Variants in PKD1 observed in about 807,000 individuals in gnomAD.
PKD1 encodes polycystin-1.
In PKD1, 81 loss-of-function variants were observed where a neutral mutation model predicts 361.7. The ratio of observed to expected loss-of-function variants is 0.22; its 90% confidence interval spans 0.19 to 0.27. The LOEUF (loss-of-function observed/expected upper bound fraction) is 0.27. PKD1 is among the 10% of genes least tolerant of loss of function. The pLI, the probability that PKD1 is intolerant of heterozygous loss-of-function variation, is 1.00. For synonymous variants in PKD1, 3,615 were observed against 2,818.3 expected, an observed-to-expected ratio of 1.28 and a Z score of -8.95; for missense variants, 6,399 against 6,118.3, an observed-to-expected ratio of 1.05 and a Z score of -1.53.
At chr16:2,116,291 G>A (rs912957481) in intron 8 of PKD1, 173 bp from the exon 9 acceptor site, 9 of 738,690 alleles carry the variant, frequency 1.2e-5, no homozygotes, top group Admixed American at 2.1e-5. Context: ...CTGTCCATGG[G>A]GGGCAGGACC....
intron 16 of PKD1, 140 bp from the exon 17 acceptor site, chr16:2,107,088 G>A (rs1182797919): frequency 9.0e-6 from 7 of 780,882 alleles, no homozygotes; most frequent in African/African-American, 5.2e-5. Flanking sequence ...TCCCTCCCAG[G>A]ATACTCATCC....
rs1489696362 is a variant in PKD1 at position 2,098,276 on chromosome 16, T to C, written c.10051-292A>G. 3.7e-5 allele frequency: 18 copies of C among 482,910 alleles called. No homozygotes were observed. In the East Asian group the frequency reaches 7.1e-4, roughly 19 times the overall value. The allele number at this position is 482,910 out of a possible 1,614,324, so 29.9% of individuals were successfully genotyped here. A position where few individuals can be genotyped will look rare whatever the true frequency, so the allele number is the denominator to read the frequency against. On this transcript the variant is annotated intron_variant, in intron 30 of 45. Coordinates refer to ENST00000262304, the MANE Select transcript of PKD1 (RefSeq NM_001009944.3). ...CAGGCTGGAGTGCAATGGCGCAATC[T>C]CAGCTCACTGCAACCTCCACCTCCC...
rs569861397 is a variant in PKD1, at chr16:2,088,893, A to C, written c.*834T>G. The C allele has an allele frequency of 2.1e-4, 92 of 445,728 alleles. 1 individual carries two copies. The South Asian group carries it at 2.1e-3, about 10-fold the overall frequency. The allele number at this position is 445,728 out of a possible 1,614,324, so 27.6% of individuals were successfully genotyped here. A position where few individuals can be genotyped will look rare whatever the true frequency, so the allele number is the denominator to read the frequency against. ...CGCGTGCGCGCGCGCACACACACAC[A>C]CACACAGTCACCTTCCTCCACCCTG... is the stretch of plus-strand genomic sequence containing the variant. On this transcript the variant is annotated 3_prime_UTR_variant, in exon 46 of 46. Transcript: ENST00000262304.
Position 2,088,898 on chromosome 16 carries a change from C to CACACAG in PKD1, c.*828_*829insCTGTGT. On this transcript the variant is annotated 3_prime_UTR_variant, in exon 46 of 46. Coordinates refer to ENST00000262304, the MANE Select transcript of PKD1 (RefSeq NM_001009944.3). ...GCGCGCGCGCACACACACACACACA[C>CACACAG]AGTCACCTTCCTCCACCCTGGGAGC... 2.3e-6 allele frequency: 1 copy of CACACAG among 431,588 alleles called. No individual in the cohort carries two copies. The allele number at this position is 431,588 out of a possible 1,614,324, so 26.7% of individuals were successfully genotyped here.
In PKD1 at chr16:2,102,199, T is replaced by A; in HGVS notation, c.9259A>T (p.Thr3087Ser). 1.3e-6 allele frequency: 2 copies of A among 1,513,100 alleles called. No homozygotes were observed. Among genetic ancestry groups the A allele is most frequent in the Non-Finnish European group, 1.8e-6 (2 of 1,097,936 alleles). The allele number at this position is 1,513,100 out of a possible 1,614,324, so 93.7% of individuals were successfully genotyped here. A position where few individuals can be genotyped will look rare whatever the true frequency, so the allele number is the denominator to read the frequency against. ...AGGATGGCGGCCATGACCATGTAGG[T>A]CACCAGGCACACAGCACATGTCAGC... Reference protein sequence around the residue: ...VMLTCAVCLVTYMVMAAILHK... With the variant: ...VMLTCAVCLVSYMVMAAILHK... The change falls in exon 26 of 46, where the codon ACC (threonine) becomes TCC (serine). Residue 3087 changes from threonine to serine, a missense_variant. Physicochemically the swap from Thr to Ser is moderately conservative, Grantham distance 58 (BLOSUM62 1). Coordinates refer to ENST00000262304, the MANE Select transcript of PKD1 (RefSeq NM_001009944.3).
At position 2,088,890 on chromosome 16, in the gene PKD1, C is replaced by G; in HGVS notation, c.*837G>C. 1 of 454,034 alleles carries G rather than the reference C, an allele frequency of 2.2e-6. No homozygotes were observed. The highest frequency in any genetic ancestry group is 3.9e-6 in the Non-Finnish European group (1 of 253,856). 28.1% of individuals were successfully genotyped at this position (454,034 alleles called of 1,614,324 possible). A position where few individuals can be genotyped will look rare whatever the true frequency, so the allele number is the denominator to read the frequency against. On this transcript the variant is annotated 3_prime_UTR_variant, in exon 46 of 46. Coordinates refer to ENST00000262304, the MANE Select transcript of PKD1 (RefSeq NM_001009944.3). ...TCGCGCGTGCGCGCGCGCACACACACACACACACAGTCACCTTCCTCCACC... is the reference window on the plus strand; with the variant it reads ...TCGCGCGTGCGCGCGCGCACACACAGACACACACAGTCACCTTCCTCCACC...
intron 1 of PKD1, among the ~76,000 whole-genome samples, chr16:2,129,505 C>G (rs974649885): frequency 6.7e-6 from 1 of 149,000 alleles, no homozygotes; most frequent in Admixed American, 6.7e-5. Context: ...GCCATCTGTG[C>G]GTCTTCTTTG....
Position 2,099,998 on chromosome 16 carries a change from G to A in PKD1, c.9786C>T (p.Ile3262=), listed in dbSNP as rs539697113. 127 of 1,568,046 alleles carry A rather than the reference G, an allele frequency of 8.1e-5. No individual in the cohort carries two copies. The highest frequency in any genetic ancestry group is 5.3e-4 in the African/African-American group (39 of 73,888). ...GCGGCCGGTCCCATATGGAGAGCCA[G>A]ATGTGCTTGTCAAAGAAGCCACGCT... is the stretch of plus-strand genomic sequence containing the variant. ...ELQRGFFDKH[I]WLSIWDRPPR... is the part of the protein sequence containing the mutation. The change falls in exon 29 of 46, where the codon ATC becomes ATT. Residue 3262 remains isoleucine (I), a synonymous_variant. Coordinates refer to ENST00000262304, the MANE Select transcript of PKD1 (RefSeq NM_001009944.3).
chr16:2,106,061 T>G lies in PKD1; in HGVS notation c.7703+30A>C. 5.0e-6 allele frequency: 8 copies of G among 1,606,892 alleles called. No homozygotes were observed. Among genetic ancestry groups the G allele is most frequent in the Non-Finnish European group, 6.8e-6 (8 of 1,178,054 alleles). On this transcript the variant is annotated intron_variant, in intron 19 of 45. Coordinates refer to ENST00000262304, the MANE Select transcript of PKD1 (RefSeq NM_001009944.3). This position sits in a 1 kb window ranked among gnomAD's most constrained non-coding sequence, Gnocchi z 6.5. ...GGGGGGTGGTGAGCAGGTGGCAGTC[T>G]CGGGGGCGCCCTCCCACGGCCTGGC...
chr16:2,105,400 G>C lies in PKD1; in HGVS notation c.7938C>G (p.Ile2646Met). The C allele has an allele frequency of 6.3e-7, 1 of 1,585,842 alleles. No individual in the cohort carries two copies. Reference sequence around the variant, plus strand: ...CCCTCAGGGACACCAGAGTCTCCGTGATGTTCTTGCGTATCTGGGCTCGGT... The same window carrying C: ...CCCTCAGGGACACCAGAGTCTCCGTCATGTTCTTGCGTATCTGGGCTCGGT... ...RQHRAQIRKNITETLVSLRVH... is the reference protein window; with the variant it reads ...RQHRAQIRKNMTETLVSLRVH... Residue 2646 changes from isoleucine to methionine, a missense_variant, in exon 21 of 46, where the codon ATC (isoleucine) becomes ATG (methionine). Physicochemically the swap from Ile to Met is conservative, Grantham distance 10. Coordinates refer to ENST00000262304, the MANE Select transcript of PKD1 (RefSeq NM_001009944.3).
rs748710308 is a variant in PKD1 at position 2,114,701 on chromosome 16, G to A, written c.2322C>T (p.Ala774=). 174 of 1,535,558 alleles carry A rather than the reference G, an allele frequency of 1.1e-4. 2 individuals are homozygous for A. In the African/African-American group the frequency reaches 2.0e-3, roughly 17 times the overall value. ...CPACALRLLA[A]TEQLTVLLGL... The stretch of plus-strand genomic sequence containing the variant: ...CCAGCAGCACGGTGAGCTGTTCCGT[G>A]GCTGCAAGCAGCCGCAGGGCACAGG... Residue 774 remains alanine, a synonymous_variant, in exon 11 of 46, where the codon GCC becomes GCT. Coordinates refer to ENST00000262304, the MANE Select transcript of PKD1 (RefSeq NM_001009944.3).
At position 2,090,828 on chromosome 16, in the gene PKD1, CTGCT is replaced by C. The variant is rs754724966; in HGVS notation, c.12004-24_12004-21del. 10 of 1,611,764 alleles carry C rather than the reference CTGCT, an allele frequency of 6.2e-6. No homozygotes were observed. The Admixed American group carries it at 1.7e-4, about 27-fold the overall frequency. On this transcript the variant is annotated intron_variant, in intron 43 of 45. Transcript: ENST00000262304. The stretch of plus-strand genomic sequence containing the variant: ...GGCAGCCTGCGGACGAGAAATCTGT[CTGCT>C]TGCAGCCCTGGGGTGTGCGCCCAGC...
rs368365522 is a variant in PKD1 at position 2,110,696 on chromosome 16, C to T, written c.4471G>A (p.Gly1491Ser). 26 of 1,610,530 alleles carry T rather than the reference C, an allele frequency of 1.6e-5. No individual in the cohort carries two copies. The South Asian group carries it at 2.4e-4, about 15-fold the overall frequency. The change falls in exon 15 of 46, where the codon GGC (glycine) becomes AGC (serine). Residue 1491 changes from glycine (G) to serine (S), a missense_variant. Physicochemically the swap from Gly to Ser is moderately conservative, Grantham distance 56. Transcript: ENST00000262304. Reference protein sequence around the residue: ...LQQPYLFSAVGRGRPASYLWD... With the variant: ...LQQPYLFSAVSRGRPASYLWD... ...AGGTAGCTGGCGGGGCGCCCACGGC[C>T]CACAGCAGAGAACAGGTACGGCTGC... is the stretch of plus-strand genomic sequence containing the variant.
chr16:2,108,243 C>T lies in PKD1; in HGVS notation c.6915+9G>A, dbSNP rs369836549. 1.6e-5 allele frequency: 25 copies of T among 1,592,836 alleles called. No individual in the cohort carries two copies. The Admixed American group carries it at 1.9e-4, about 12-fold the overall frequency. On this transcript the variant is annotated intron_variant, in intron 15 of 45. Coordinates refer to ENST00000262304, the MANE Select transcript of PKD1 (RefSeq NM_001009944.3). ...AGGGGCATGGAGGACGGCCCTGCCA[C>T]GCACTGACCTGTGTCGAAGCCACAC...
chr16:2,102,553 A>T lies in PKD1; in HGVS notation c.9029T>A (p.Leu3010Gln), dbSNP rs750501225. 1 of 1,610,794 alleles carries T rather than the reference A, an allele frequency of 6.2e-7. No homozygotes were observed. The highest frequency in any genetic ancestry group is 1.3e-5 in the African/African-American group (1 of 75,006). The change falls in exon 25 of 46, where the codon CTG becomes CAG. Residue 3010 changes from leucine (L) to glutamine (Q), a missense_variant. Transcript: ENST00000262304. Reference sequence around the variant, plus strand: ...GAAGTACTGGCACAGGGACGTGTACAGGCCCACGGACACCTGCAGCGCCGA... The same window carrying T: ...GAAGTACTGGCACAGGGACGTGTACTGGCCCACGGACACCTGCAGCGCCGA... ...RWSALQVSVG[L>Q]YTSLCQYFSE...
rs1163685077 is a variant in PKD1 at position 2,088,983 on chromosome 16, C to A, written c.*744G>T. ...CTGGGGTCCTCTGACATGCCTAGTCCTGCTACTTGCCCAGACCTGATGCCA... is the reference window on the plus strand; with the variant it reads ...CTGGGGTCCTCTGACATGCCTAGTCATGCTACTTGCCCAGACCTGATGCCA... On this transcript the variant is annotated 3_prime_UTR_variant, in exon 46 of 46. Coordinates refer to ENST00000262304, the MANE Select transcript of PKD1 (RefSeq NM_001009944.3). The A allele has an allele frequency of 3.4e-6, 1 of 295,188 alleles. No individual in the cohort carries two copies. Among genetic ancestry groups the A allele is most frequent in the Non-Finnish European group, 6.5e-6 (1 of 153,104 alleles). 18.3% of individuals were successfully genotyped at this position (295,188 alleles called of 1,614,324 possible). A position where few individuals can be genotyped will look rare whatever the true frequency, so the allele number is the denominator to read the frequency against.
At chr16:2,113,706 T>G (rs963537891) in intron 11 of PKD1, 12 of 356,732 alleles carry the variant, frequency 3.4e-5, no homozygotes, top group Non-Finnish European at 5.8e-5. Flanking sequence ...CCATTTCTGA[T>G]GGCCCCTCCC....
At chr16:2,093,356 T>C (rs1311321202) in intron 37 of PKD1, 188 bp downstream of exon 37, 11 of 689,794 alleles carry the variant, frequency 1.6e-5, no homozygotes, top group Non-Finnish European at 2.7e-5. Flanking sequence ...AGCTGGGCCC[T>C]GGCAGGGACT....
chr16:2,091,340 T>C lies in PKD1; in HGVS notation c.11712+83A>G, dbSNP rs1397966085. 1,010 of 453,174 alleles carry C rather than the reference T, an allele frequency of 2.2e-3. 80 individuals are homozygous for C. The African/African-American group carries it at 0.11, about 48-fold the overall frequency. 28.1% of individuals were successfully genotyped at this position (453,174 alleles called of 1,614,324 possible). On this transcript the variant is annotated intron_variant, in intron 42 of 45. Transcript: ENST00000262304. ...CGAGGGGGCGGGGCGCTGCGAGGGG[T>C]GAGACGCTGCCGGGGCGGGGCCCCG...
Sources: allele counts gnomAD v4.1 joint callset (sites outside exome capture counted in the v4.1 genomes callset), GRCh38; gene constraint gnomAD v4.1.1; non-coding constraint Gnocchi (gnomAD v3.1); transcripts MANE v1.5; gene names NCBI Gene and HGNC (gene_info 2026-07-23, HGNC 2026-07-21).